RANBP2: variants seen among roughly 807,000 people sequenced by gnomAD.
RANBP2 encodes the protein E3 SUMO-protein ligase RanBP2.
In RANBP2, 57 loss-of-function variants were observed where a neutral mutation model predicts 303.6. That is an observed-to-expected ratio of 0.19 (90% confidence interval 0.15 to 0.23). The LOEUF (loss-of-function observed/expected upper bound fraction) is 0.23, where lower values mean the gene tolerates loss of function less well. Ranked by LOEUF, RANBP2 falls within the 10% of genes least tolerant of loss-of-function variation. RANBP2 has a pLI of 1.00. For missense variants in RANBP2, 3,138 were observed against 3,780.8 expected (o/e 0.83, Z 4.46); for synonymous variants, 1,167 against 1,301.5 (o/e 0.90, Z 2.23).
the RANBP2 span, among the ~76,000 whole-genome samples, chr2:109,168,189 A>C: frequency 3.3e-5 from 5 of 152,218 alleles, no homozygotes; most frequent in African/African-American, 1.2e-4. Flanking sequence ...GTGATTTGCA[A>C]ACATTGCATC....
the RANBP2 span, among the ~76,000 whole-genome samples, chr2:109,095,679 T>A: frequency 6.6e-6 from 1 of 151,996 alleles, no homozygotes; most frequent in Non-Finnish European, 1.5e-5. Flanking sequence ...ACAACAGGGG[T>A]TTCTTAGAAA....
the RANBP2 span, among the ~76,000 whole-genome samples, chr2:108,990,459 T>TAA: frequency 8.4e-6 from 1 of 119,336 alleles, no homozygotes; most frequent in Non-Finnish European, 1.8e-5. Context: ...AAAAAAAAAA[T>TAA]ATACAAAAAT....
the RANBP2 span, among the ~76,000 whole-genome samples, chr2:109,180,131 T>C: frequency 2.6e-5 from 4 of 151,590 alleles, no homozygotes; most frequent in Non-Finnish European, 1.5e-5. Context: ...TTTTTTTTTT[T>C]CTCTAGTCTG....
the RANBP2 span, among the ~76,000 whole-genome samples, chr2:109,415,423 C>T: frequency 6.6e-6 from 1 of 152,180 alleles, no homozygotes; most frequent in African/African-American, 2.4e-5. Context: ...CTGGGCCCAG[C>T]CATGGTAGAC....
the RANBP2 span, among the ~76,000 whole-genome samples, chr2:109,369,555 G>A: frequency 6.6e-6 from 1 of 152,136 alleles, no homozygotes; most frequent in Admixed American, 6.5e-5. Flanking sequence ...TTTTTGGTTT[G>A]GGTGTTTTTG....
chr2:109,117,478 C>A, the RANBP2 span, among the ~76,000 whole-genome samples: 1 of 152,194 alleles, frequency 6.6e-6, no homozygotes, highest in East Asian at 1.9e-4. Flanking sequence ...GTTTTTTAAG[C>A]CCGTCGGAAA....
chr2:109,314,077 C>T, the RANBP2 span, among the ~76,000 whole-genome samples: 1 of 151,986 alleles, frequency 6.6e-6, no homozygotes, highest in Non-Finnish European at 1.5e-5. Flanking sequence ...CCGTGAGACC[C>T]GGGGCAAGTG....
At chr2:109,199,622 T>TCAACCCGAGTGCA in the RANBP2 span, among the ~76,000 whole-genome samples, 2 of 132 alleles carry the variant, frequency 0.015, no homozygotes, top group African/African-American at 0.022. Flanking sequence ...TGGAATGGAA[T>TCAACCCGAGTGCA]GGAATGGAAT....
At chr2:108,990,360 A>G in the RANBP2 span, among the ~76,000 whole-genome samples, 2 of 147,142 alleles carry the variant, frequency 1.4e-5, no homozygotes, top group African/African-American at 5.0e-5. Context: ...GAACCCGGGA[A>G]GCGGAGCTTG....
chr2:109,107,993 C>A, the RANBP2 span, among the ~76,000 whole-genome samples: 8 of 151,608 alleles, frequency 5.3e-5, no homozygotes, highest in African/African-American at 1.9e-4. Context: ...GCAAGCTCCG[C>A]CTCACGGGTT....
the RANBP2 span, among the ~76,000 whole-genome samples, chr2:108,841,126 G>A: frequency 2.6e-5 from 4 of 152,176 alleles, no homozygotes; most frequent in South Asian, 4.2e-4. Flanking sequence ...GTGAGCCACC[G>A]TGTCTGGCTC....
the RANBP2 span, among the ~76,000 whole-genome samples, chr2:109,117,508 A>G: frequency 7.5e-4 from 115 of 152,334 alleles, no homozygotes; most frequent in Non-Finnish European, 1.4e-3. Flanking sequence ...TTAGGGTGGG[A>G]GTGACCCAAT....
chr2:109,601,529 T>C, the RANBP2 span, among the ~76,000 whole-genome samples: 1 of 152,194 alleles, frequency 6.6e-6, no homozygotes, highest in Admixed American at 6.5e-5. Flanking sequence ...TCTCCTATAT[T>C]TCCATAAATC....
At chr2:109,012,774 C>T in the RANBP2 span, among the ~76,000 whole-genome samples, 27 of 152,224 alleles carry the variant, frequency 1.8e-4, no homozygotes, top group Admixed American at 5.9e-4. Context: ...ATTAGCCGGG[C>T]GTGTTGGCGG....
At chr2:109,204,082 A>G in the RANBP2 span, among the ~76,000 whole-genome samples, 2 of 152,198 alleles carry the variant, frequency 1.3e-5, no homozygotes, top group Admixed American at 1.3e-4. Context: ...CCTCCTGCCC[A>G]CTGGCTGTCA....
chr2:109,101,272 A>T, the RANBP2 span, among the ~76,000 whole-genome samples: 1 of 152,164 alleles, frequency 6.6e-6, no homozygotes, highest in African/African-American at 2.4e-5. Context: ...CATGCCTGTA[A>T]TCCCAGCACT....
the RANBP2 span, among the ~76,000 whole-genome samples, chr2:108,956,916 G>A: frequency 6.6e-6 from 1 of 152,100 alleles, no homozygotes; most frequent in Non-Finnish European, 1.5e-5. Flanking sequence ...AGCCTCCCGA[G>A]TAGCTGGGAT....
the RANBP2 span, among the ~76,000 whole-genome samples, chr2:108,790,874 C>T: frequency 1.4e-4 from 21 of 152,202 alleles, 1 homozygote; most frequent in East Asian, 3.9e-3. Flanking sequence ...ACCTCAGGCT[C>T]CTGAGTAGCT....
the RANBP2 span, chr2:108,910,832 G>C: frequency 1.2e-6 from 2 of 1,614,006 alleles, no homozygotes; most frequent in Non-Finnish European, 1.7e-6. Flanking sequence ...GCTCTTCCCC[G>C]GGTGGCTGGT....
Sources: allele counts gnomAD v4.1 joint callset (sites outside exome capture counted in the v4.1 genomes callset), GRCh38; gene constraint gnomAD v4.1.1; transcripts MANE v1.5; gene names NCBI Gene and HGNC (gene_info 2026-07-23, HGNC 2026-07-21).